The following DCC variants were observed in gnomAD, a reference collection of about 807,000 sequenced individuals.
DCC encodes DCC netrin 1 receptor, also known as netrin receptor DCC.
DCC carries 58 observed loss-of-function variants against 172.5 expected under a neutral mutation model. The ratio of observed to expected loss-of-function variants is 0.34; its 90% CI spans 0.27 to 0.42. The LOEUF (loss-of-function observed/expected upper bound fraction) is 0.42, where lower values mean the gene tolerates loss of function less well. Among genes scored for constraint, DCC ranks in the 10% least tolerant of loss-of-function variants. The probability of loss-of-function intolerance (pLI) is 1.00; values close to 1 mark genes in which losing one functional copy is unlikely to be tolerated. For synonymous variants in DCC, 709 were observed against 644.5 expected (o/e 1.10, Z -1.52); for missense variants, 1,740 against 1,791.0 (o/e 0.97, Z 0.51).
chr18:52,435,988 C>G (rs1987783030), intron 1 of DCC, among the ~76,000 whole-genome samples: 1 of 152,232 alleles, frequency 6.6e-6, no homozygotes, highest in Non-Finnish European at 1.5e-5. Flanking sequence ...AGGACATTGT[C>G]TCTATTCTTC....
In DCC at chr18:53,305,501, G is replaced by A. The variant is rs113892204; in HGVS notation, c.1912-77G>A. ...GCTTCTCTGCTTTCTTCACACTTAC[G>A]TTTGGGTTACTTCTTTGACCCTGTC... On this transcript the variant is annotated intron_variant, in intron 12 of 28. Transcript: ENST00000442544. 417 of 1,227,632 alleles carry A rather than the reference G, an allele frequency of 3.4e-4. 1 individual carries two copies. In the African/African-American group the frequency reaches 3.4e-3, roughly 10 times the overall value. The allele number at this position is 1,227,632 out of a possible 1,614,324, so 76.0% of individuals were successfully genotyped here. A position where few individuals can be genotyped will look rare whatever the true frequency, so the allele number is the denominator to read the frequency against.
chr18:52,366,367 G>C (rs1168420124), intron 1 of DCC, among the ~76,000 whole-genome samples: 3 of 152,166 alleles, frequency 2.0e-5, no homozygotes, highest in African/African-American at 7.2e-5. Context: ...GGGGACCCGA[G>C]CGGGTTGCCA....
chr18:53,195,140 G>A (rs1018379980), intron 9 of DCC, among the ~76,000 whole-genome samples: 1 of 152,158 alleles, frequency 6.6e-6, no homozygotes, highest in East Asian at 1.9e-4. Context: ...ATATCAAGTA[G>A]GAGAAGGGGT....
At chr18:52,823,360 C>A (rs2038445036) in intron 2 of DCC, among the ~76,000 whole-genome samples, 1 of 152,020 alleles carries the variant, frequency 6.6e-6, no homozygotes. Context: ...ATGCAATGGT[C>A]CTCACTCCTG....
intron 15 of DCC, among the ~76,000 whole-genome samples, chr18:53,376,490 G>T (rs1346502984): frequency 7.2e-5 from 11 of 152,162 alleles, no homozygotes; most frequent in Admixed American, 3.9e-4. Context: ...ATATAAATTT[G>T]GTAGTACTCA....
In DCC at chr18:52,662,953, A is replaced by G. The variant is rs555749013; in HGVS notation, c.92-89101A>G. On this transcript the variant is annotated intron_variant, in intron 1 of 28. Transcript: ENST00000442544. ...ATGAGGGCTCCACAATGATGACCCA[A>G]TCGCTCCCTAAACACCCTGGGGACT... Among the ~76,000 whole-genome samples, 37 of 152,264 alleles carry G rather than the reference A, an allele frequency of 2.4e-4. No homozygotes were observed. In the East Asian group the frequency reaches 2.7e-3, roughly 11 times the overall value.
At chr18:52,578,090 G>C (rs549017427) in intron 1 of DCC, among the ~76,000 whole-genome samples, 1 of 152,232 alleles carries the variant, frequency 6.6e-6, no homozygotes, top group African/African-American at 2.4e-5. Flanking sequence ...AAGCAATTTT[G>C]CTATTCCTTC....
In DCC at chr18:53,339,701, T is replaced by G. The variant is rs1220625179; in HGVS notation, c.2165-12T>G. On this transcript the variant is annotated splice_polypyrimidine_tract_variant and intron_variant, in intron 14 of 28. Transcript: ENST00000442544. The stretch of plus-strand genomic sequence containing the variant: ...ATGAGACATGCTGATGATGCCTCTT[T>G]TTGAATGCTAGAATCTCAAGTTCCT... 1.9e-6 allele frequency: 3 copies of G among 1,612,386 alleles called. No homozygotes were observed. Among genetic ancestry groups the G allele is most frequent in the East Asian group, 4.5e-5 (2 of 44,854 alleles).
At chr18:52,866,523 C>T (rs2039231680) in intron 2 of DCC, among the ~76,000 whole-genome samples, 1 of 152,174 alleles carries the variant, frequency 6.6e-6, no homozygotes, top group South Asian at 2.1e-4. Flanking sequence ...TATCCATGAG[C>T]ATGGAATGTT....
intron 7 of DCC, among the ~76,000 whole-genome samples, chr18:53,076,205 T>C (rs946965969): frequency 6.6e-6 from 1 of 152,186 alleles, no homozygotes; most frequent in Non-Finnish European, 1.5e-5. Flanking sequence ...ATTTCAATGA[T>C]AGAAGCATTC....
chr18:52,680,411 A>G (rs557716770), intron 1 of DCC, among the ~76,000 whole-genome samples: 5 of 152,076 alleles, frequency 3.3e-5, no homozygotes, highest in Non-Finnish European at 7.4e-5. Flanking sequence ...CATGCAAAGC[A>G]CTGTTCTGCA....
intron 2 of DCC, among the ~76,000 whole-genome samples, chr18:52,768,968 A>G (rs902778091): frequency 6.6e-6 from 1 of 152,286 alleles, no homozygotes. Flanking sequence ...AGTAACTACC[A>G]TGGCTTCCCA....
chr18:52,766,023 T>C (rs2037245259), intron 2 of DCC, among the ~76,000 whole-genome samples: 1 of 152,172 alleles, frequency 6.6e-6, no homozygotes, highest in Admixed American at 6.5e-5. Flanking sequence ...CTTCCTTTAC[T>C]CAGCCCACTG....
intron 14 of DCC, among the ~76,000 whole-genome samples, chr18:53,327,915 A>G (rs1313770539): frequency 6.6e-6 from 1 of 152,186 alleles, no homozygotes; most frequent in Non-Finnish European, 1.5e-5. Context: ...ATTTATGATA[A>G]TTGACAGATA....
In DCC at chr18:53,215,617, A is replaced by C; in HGVS notation, c.1911+20A>C. The C allele has an allele frequency of 6.3e-7, 1 of 1,595,366 alleles. No homozygotes were observed. Among genetic ancestry groups the C allele is most frequent in the Non-Finnish European group, 8.6e-7 (1 of 1,163,014 alleles). ...TCAAGAGTAAGTTGGCTAAATGTTC[A>C]CTACTCCATTACCTATCAAGATTAC... On this transcript the variant is annotated intron_variant, in intron 12 of 28. Coordinates refer to ENST00000442544, the MANE Select transcript of DCC (RefSeq NM_005215.4).
At chr18:52,889,051 G>A (rs1343200361) in intron 2 of DCC, among the ~76,000 whole-genome samples, 1 of 152,102 alleles carries the variant, frequency 6.6e-6, no homozygotes, top group Non-Finnish European at 1.5e-5. Context: ...CTCAACAGGG[G>A]AGGGAATGCT....
At chr18:53,357,988 A>G (rs1254795386) in intron 15 of DCC, among the ~76,000 whole-genome samples, 1 of 152,164 alleles carries the variant, frequency 6.6e-6, no homozygotes, top group African/African-American at 2.4e-5. Flanking sequence ...ATATAATTTT[A>G]TTCCTAGAGT....
chr18:53,149,080 C>T (rs1256344845), intron 7 of DCC, among the ~76,000 whole-genome samples: 1 of 151,892 alleles, frequency 6.6e-6, no homozygotes, highest in African/African-American at 2.4e-5. Context: ...CCAGGCTAGT[C>T]TTGAACTCCT....
intron 2 of DCC, among the ~76,000 whole-genome samples, chr18:52,776,210 T>A (rs1448365101): frequency 6.6e-6 from 1 of 152,222 alleles, no homozygotes; most frequent in African/African-American, 2.4e-5. Context: ...GAAACAATTT[T>A]ATAATAAATA....
Sources: gnomAD v4.1 joint callset for allele counts (sites outside exome capture counted in the v4.1 genomes callset) on GRCh38, gnomAD v4.1.1 for gene constraint, MANE v1.5 for transcripts, NCBI Gene and HGNC (gene_info 2026-07-23, HGNC 2026-07-21) for gene names.